The following DYM variants were observed in gnomAD, a reference collection of about 807,000 sequenced individuals.
The protein encoded by DYM is dymeclin, also known as dyggve-Melchior-Clausen syndrome protein.
A neutral mutation model predicts 93.1 loss-of-function variants in DYM; 78 were observed. That is an observed-to-expected ratio of 0.84 (90% confidence interval 0.70 to 1.01). The LOEUF (loss-of-function observed/expected upper bound fraction) is 1.01, where lower values mean the gene tolerates loss of function less well. DYM is among the 50% of genes least tolerant of loss of function. DYM has a pLI of 0.00. For synonymous variants in DYM, 321 were observed against 319.7 expected (o/e 1.00, Z -0.04); for missense variants, 789 against 845.0 (o/e 0.93, Z 0.82).
At chr18:49,350,767 G>T (rs2065052086) in intron 6 of DYM, among the ~76,000 whole-genome samples, 1 of 149,888 alleles carries the variant, frequency 6.7e-6, no homozygotes. Flanking sequence ...TATGCGGTAT[G>T]CTATGAATGG....
intron 8 of DYM, among the ~76,000 whole-genome samples, chr18:49,310,408 G>A (rs991508241): frequency 4.6e-5 from 7 of 152,132 alleles, no homozygotes; most frequent in Non-Finnish European, 7.4e-5. Context: ...TATAAAACAT[G>A]AGTAACTGCC....
intron 10 of DYM, among the ~76,000 whole-genome samples, chr18:49,281,538 G>A (rs2094976291): frequency 6.6e-6 from 1 of 152,198 alleles, no homozygotes; most frequent in Non-Finnish European, 1.5e-5. Flanking sequence ...CAACAGCAAA[G>A]ACTTGGAACC....
At chr18:49,210,499 A>G (rs1334269194) in intron 13 of DYM, among the ~76,000 whole-genome samples, 2 of 152,198 alleles carry the variant, frequency 1.3e-5, no homozygotes, top group African/African-American at 4.8e-5. Flanking sequence ...CTGGAAAAGG[A>G]AAAACTATGG....
At chr18:49,427,298 G>T (rs2074380712) in intron 2 of DYM, among the ~76,000 whole-genome samples, 1 of 151,974 alleles carries the variant, frequency 6.6e-6, no homozygotes, top group Admixed American at 6.6e-5. Context: ...ACAGAAGATG[G>T]AACATTCTAC....
At chr18:49,331,179 A>T (rs2063280475) in intron 8 of DYM, among the ~76,000 whole-genome samples, 1 of 152,156 alleles carries the variant, frequency 6.6e-6, no homozygotes, top group Admixed American at 6.5e-5. Flanking sequence ...TCCCAGGCCG[A>T]CCTCACAAGT....
chr18:49,211,011 T>C (rs1043751644), intron 13 of DYM, among the ~76,000 whole-genome samples: 1 of 152,182 alleles, frequency 6.6e-6, no homozygotes. Flanking sequence ...TAGGCAATAA[T>C]ACTACTACAA....
At chr18:49,355,733 TTTC>T (rs1049334876) in intron 6 of DYM, among the ~76,000 whole-genome samples, 2 of 152,200 alleles carry the variant, frequency 1.3e-5, no homozygotes, top group African/African-American at 4.8e-5. Flanking sequence ...ACTAATTTTT[TTTC>T]TTTTTAATTC....
chr18:49,326,403 T>C (rs1327395002), intron 8 of DYM, among the ~76,000 whole-genome samples: 1 of 151,976 alleles, frequency 6.6e-6, no homozygotes, highest in Non-Finnish European at 1.5e-5. Context: ...AAGATAAATA[T>C]ATTAATATAT....
rs1367712149 is a variant in DYM at position 49,326,100 on chromosome 18, C to A, written c.763+5764G>T. ...GAAGGTGCGAATTACCAGGTCCCAC[C>A]TCATGTCTAATGAATCAGAAACTCC... On this transcript the variant is annotated intron_variant, in intron 8 of 17. Coordinates refer to ENST00000675505, the MANE Select transcript of DYM (RefSeq NM_001353214.3). 2.6e-5 allele frequency among the ~76,000 whole-genome samples: 4 copies of A among 152,166 alleles called. No homozygotes were observed. The South Asian group carries it at 8.3e-4, about 32-fold the overall frequency.
chr18:49,184,125 G>A (rs2090197205), intron 14 of DYM, among the ~76,000 whole-genome samples: 1 of 152,188 alleles, frequency 6.6e-6, no homozygotes, highest in Non-Finnish European at 1.5e-5. Context: ...TATACATAGG[G>A]ATGTGTTTAA....
chr18:49,279,870 T>C (rs1275421425), intron 10 of DYM, among the ~76,000 whole-genome samples: 1 of 152,252 alleles, frequency 6.6e-6, no homozygotes, highest in Non-Finnish European at 1.5e-5. Flanking sequence ...ACACTTTTTG[T>C]TCTTAGTGTC....
intron 13 of DYM, among the ~76,000 whole-genome samples, chr18:49,239,217 G>A (rs991477870): frequency 2.4e-4 from 37 of 152,118 alleles, no homozygotes; most frequent in Non-Finnish European, 1.0e-4. Flanking sequence ...GGGAGAGAAT[G>A]TTAATGTCAA....
intron 17 of DYM, among the ~76,000 whole-genome samples, chr18:49,047,494 A>G (rs141970614): frequency 3.2e-4 from 49 of 152,272 alleles, no homozygotes; most frequent in African/African-American, 1.1e-3. Flanking sequence ...TCAGAGTTCA[A>G]TGAGGCCCCA....
At chr18:49,074,788 G>A (rs1036915521) in intron 17 of DYM, among the ~76,000 whole-genome samples, 20 of 152,162 alleles carry the variant, frequency 1.3e-4, no homozygotes, top group African/African-American at 4.8e-4. Flanking sequence ...ATTCCGCAAA[G>A]CACATGAGTT....
At chr18:49,367,085 GC>G (rs2066593844) in intron 5 of DYM, among the ~76,000 whole-genome samples, 1 of 152,134 alleles carries the variant, frequency 6.6e-6, no homozygotes, top group African/African-American at 2.4e-5. Flanking sequence ...AGTACTATGG[GC>G]CCGGTTAGGA....
chr18:49,328,122 G>C (rs1192404160), intron 8 of DYM, among the ~76,000 whole-genome samples: 2 of 152,164 alleles, frequency 1.3e-5, no homozygotes, highest in African/African-American at 2.4e-5. Flanking sequence ...ATTTCTGATA[G>C]ATGAGCCTAT....
intron 14 of DYM, among the ~76,000 whole-genome samples, chr18:49,190,282 T>C (rs1347695967): frequency 6.6e-6 from 1 of 152,262 alleles, no homozygotes; most frequent in Admixed American, 6.5e-5. Context: ...TCACTGATAC[T>C]ACATTGGTTT....
chr18:49,047,656 C>T (rs951380710), intron 17 of DYM, among the ~76,000 whole-genome samples: 19 of 152,118 alleles, frequency 1.2e-4, no homozygotes, highest in South Asian at 2.1e-4. Flanking sequence ...GCTGGTGGGG[C>T]GGTATCCTAG....
At chr18:49,146,267 C>A (rs540153081) in intron 15 of DYM, among the ~76,000 whole-genome samples, 1 of 152,200 alleles carries the variant, frequency 6.6e-6, no homozygotes, top group Non-Finnish European at 1.5e-5. Flanking sequence ...TGGAAGCATT[C>A]CCTTTGAAAA....
Sources: gnomAD v4.1 joint callset for allele counts (sites outside exome capture counted in the v4.1 genomes callset) on GRCh38, gnomAD v4.1.1 for gene constraint, MANE v1.5 for transcripts, NCBI Gene and HGNC (gene_info 2026-07-23, HGNC 2026-07-21) for gene names.